Variants in SMARCB1 observed in about 807,000 individuals in gnomAD.
SMARCB1 encodes SWI/SNF related BAF chromatin remodeling complex subunit B1.
A neutral mutation model predicts 49.0 loss-of-function variants in SMARCB1; 5 were observed. The observed-to-expected ratio is 0.10, with a 90% CI of 0.05 to 0.21. The LOEUF is 0.21. Among genes scored for constraint, SMARCB1 ranks in the 10% least tolerant of loss-of-function variants. SMARCB1 has a pLI of 1.00. For missense variants in SMARCB1, 226 were observed against 509.2 expected (o/e 0.44, Z 5.35); for synonymous variants, 201 against 200.1 (o/e 1.00, Z -0.04).
At chr22:23,830,081 A>C (rs913396391) in intron 7 of SMARCB1, among the ~76,000 whole-genome samples, 1 of 152,034 alleles carries the variant, frequency 6.6e-6, no homozygotes, top group Non-Finnish European at 1.5e-5. Context: ...GGTTGTTTCC[A>C]TTTTTCAGCT....
Position 23,835,266 on chromosome 22 carries a change from A to G in SMARCB1, c.*1086A>G. ...TGTCCCCATTCTTCAGAATGGACAC[A>G]GGATCTGGGAGGGCAGCAAACTGGC... is the stretch of plus-strand genomic sequence containing the variant. On this transcript the variant is annotated 3_prime_UTR_variant, in exon 9 of 9. Coordinates refer to ENST00000644036, the MANE Select transcript of SMARCB1 (RefSeq NM_003073.5). The G allele has an allele frequency of 9.1e-7, 1 of 1,096,618 alleles. No individual in the cohort carries two copies. The highest frequency in any genetic ancestry group is 1.1e-6 in the Non-Finnish European group (1 of 901,874). 67.9% of individuals were successfully genotyped at this position (1,096,618 alleles called of 1,614,324 possible).
chr22:23,833,903 C>T (rs1404922466), intron 8 of SMARCB1, among the ~76,000 whole-genome samples, 200 bp downstream of exon 8: 1 of 152,226 alleles, frequency 6.6e-6, no homozygotes, highest in Non-Finnish European at 1.5e-5. Context: ...AAACATAATT[C>T]CTCAGGCTGA....
At chr22:23,807,597 A>AAC (rs983144357) in intron 5 of SMARCB1, among the ~76,000 whole-genome samples, 1 of 148,588 alleles carries the variant, frequency 6.7e-6, no homozygotes, top group Non-Finnish European at 1.5e-5. Flanking sequence ...TTTAAAGTTA[A>AAC]AAAAAAAAAT....
At chr22:23,806,912 T>G (rs1032288098) in intron 5 of SMARCB1, among the ~76,000 whole-genome samples, 2 of 128,512 alleles carry the variant, frequency 1.6e-5, no homozygotes, top group Middle Eastern at 3.8e-3. Context: ...AGAGTGAGAC[T>G]CTATCTCAAA....
chr22:23,797,219 T>C lies in SMARCB1; in HGVS notation c.362+3531T>C, dbSNP rs377393218. On this transcript the variant is annotated intron_variant, in intron 3 of 8. Coordinates refer to ENST00000644036, the MANE Select transcript of SMARCB1 (RefSeq NM_003073.5). ...TTCACCGTGTTAGCCAGGATGGTCT[T>C]GATCTCCTGACCTCGTGATCCGCCC... Among the ~76,000 whole-genome samples the C allele has an allele frequency of 2.1e-3, 313 of 149,114 alleles. 3 individuals are homozygous for C. In the South Asian group the frequency reaches 0.036, roughly 17 times the overall value.
At chr22:23,794,715 A>T (rs558962014) in intron 3 of SMARCB1, among the ~76,000 whole-genome samples, 2 of 152,314 alleles carry the variant, frequency 1.3e-5, no homozygotes, top group South Asian at 4.1e-4. Context: ...CCTCATCCAC[A>T]TGGAGAAACC....
At chr22:23,829,625 C>T (rs916261918) in intron 7 of SMARCB1, among the ~76,000 whole-genome samples, 1 of 152,124 alleles carries the variant, frequency 6.6e-6, no homozygotes, top group Non-Finnish European at 1.5e-5. Context: ...AAGCTCTGCC[C>T]GCCAGCCCTG....
chr22:23,813,955 G>C (rs1364487831), intron 5 of SMARCB1, among the ~76,000 whole-genome samples: 1 of 151,948 alleles, frequency 6.6e-6, no homozygotes, highest in Non-Finnish European at 1.5e-5. Flanking sequence ...TTAGTCTCCC[G>C]AGTAGGTGGG....
At chr22:23,801,321 G>A (rs754975561) in intron 4 of SMARCB1, 1 of 713,428 alleles carries the variant, frequency 1.4e-6, no homozygotes. Context: ...GGCCCCTCAA[G>A]TGGAGTTACT....
intron 5 of SMARCB1, among the ~76,000 whole-genome samples, chr22:23,813,685 T>C (rs984550403): frequency 6.6e-6 from 1 of 152,246 alleles, no homozygotes; most frequent in Non-Finnish European, 1.5e-5. Flanking sequence ...AGACTCAAGA[T>C]GATGTCAGTT....
At chr22:23,805,748 G>A (rs1008305543) in intron 5 of SMARCB1, among the ~76,000 whole-genome samples, 1 of 152,152 alleles carries the variant, frequency 6.6e-6, no homozygotes, top group Non-Finnish European at 1.5e-5. Context: ...CAGGTGATCC[G>A]CCCGCCTTGG....
chr22:23,803,268 T>C, intron 4 of SMARCB1, 27 bp from the exon 5 acceptor site: 1 of 1,614,082 alleles, frequency 6.2e-7, no homozygotes, highest in Non-Finnish European at 8.5e-7. Flanking sequence ...GCCCCCTCGC[T>C]GACTGTTGCT....
intron 6 of SMARCB1, chr22:23,817,767 A>G (rs1255743627): frequency 1.3e-5 from 2 of 152,168 alleles, no homozygotes; most frequent in Non-Finnish European, 2.9e-5. Context: ...GATTTTGGAA[A>G]ATAACGTGGG....
In SMARCB1 at chr22:23,837,048, G is replaced by T. The variant is rs200374286; in HGVS notation, c.*2868G>T. On this transcript the variant is annotated 3_prime_UTR_variant, in exon 9 of 9. Transcript: ENST00000644036. ...TCTGAGGGTGGGGAGAGGGAGGGAG[G>T]GCTCTCAACACTCACAGGAAGCCAG... 2.0e-5 allele frequency: 33 copies of T among 1,613,432 alleles called. No homozygotes were observed. Among genetic ancestry groups the T allele is most frequent in the Middle Eastern group, 1.6e-4 (1 of 6,068 alleles).
rs534814484 is a variant in SMARCB1 at position 23,827,933 on chromosome 22, G to A, written c.986+2518G>A. Among the ~76,000 whole-genome samples the A allele has an allele frequency of 2.5e-3, 378 of 152,300 alleles. 4 individuals carry two copies. Among genetic ancestry groups the A allele is most frequent in the African/African-American group, 8.7e-3 (363 of 41,550 alleles). ...TCAGTCCTGCCTGGCCCTGCCTGGG[G>A]AAAGGAGGCTGGGCCACTGAGTCCC... On this transcript the variant is annotated intron_variant, in intron 7 of 8. Coordinates refer to ENST00000644036, the MANE Select transcript of SMARCB1 (RefSeq NM_003073.5).
At chr22:23,831,203 G>A (rs1210566135) in intron 7 of SMARCB1, among the ~76,000 whole-genome samples, 2 of 152,172 alleles carry the variant, frequency 1.3e-5, no homozygotes, top group Non-Finnish European at 2.9e-5. Flanking sequence ...GCTGTGGACA[G>A]GTCATTTTCC....
At chr22:23,821,540 T>C (rs2030087460) in intron 6 of SMARCB1, among the ~76,000 whole-genome samples, 1 of 152,006 alleles carries the variant, frequency 6.6e-6, no homozygotes, top group South Asian at 2.1e-4. Context: ...TGGCTAATTT[T>C]TAAATTTTCT....
intron 3 of SMARCB1, among the ~76,000 whole-genome samples, chr22:23,798,542 G>A (rs1320869582): frequency 6.6e-6 from 1 of 152,116 alleles, no homozygotes; most frequent in Non-Finnish European, 1.5e-5. Flanking sequence ...TCCCCAAATT[G>A]GGTACTACAA....
chr22:23,837,486 CG>C lies in SMARCB1; in HGVS notation c.*3308del, dbSNP rs759926247. The C allele has an allele frequency of 1.4e-6, 1 of 714,688 alleles. No individual in the cohort carries two copies. 44.3% of individuals were successfully genotyped at this position (714,688 alleles called of 1,614,324 possible). A position where few individuals can be genotyped will look rare whatever the true frequency, so the allele number is the denominator to read the frequency against. ...TCCTGACGATGCAAATTATGTGGGC[CG>C]GCTGGCTTGAGGGGCTGTAAGAGCA... On this transcript the variant is annotated 3_prime_UTR_variant, in exon 9 of 9. Transcript: ENST00000644036.
Sources: allele counts gnomAD v4.1 joint callset (sites outside exome capture counted in the v4.1 genomes callset), GRCh38; gene constraint gnomAD v4.1.1; transcripts MANE v1.5; gene names NCBI Gene and HGNC (gene_info 2026-07-23, HGNC 2026-07-21).